Variants in AQR observed in about 807,000 individuals in gnomAD.
AQR encodes RNA helicase aquarius.
AQR carries 61 observed loss-of-function variants against 180.5 expected under a neutral mutation model. The ratio of observed to expected loss-of-function variants is 0.34; its 90% CI spans 0.28 to 0.42. The LOEUF is 0.42. Among genes scored for constraint, AQR ranks in the 10% least tolerant of loss-of-function variants. The pLI is 1.00. For missense variants in AQR, 1,281 were observed against 1,798.3 expected (o/e 0.71, Z 5.20); for synonymous variants, 551 against 588.8 (o/e 0.94, Z 0.93).
At position 34,874,796 on chromosome 15, in the gene AQR, T is replaced by C. The variant is rs368592487; in HGVS notation, c.3306A>G (p.Pro1102=). 1.1e-4 allele frequency: 185 copies of C among 1,613,778 alleles called. No individual in the cohort carries two copies. Among genetic ancestry groups the C allele is most frequent in the Non-Finnish European group, 1.5e-4 (179 of 1,179,848 alleles). The change falls in exon 29 of 35, where the codon CCA becomes CCG. Residue 1102 remains proline (P), a synonymous_variant. Transcript: ENST00000156471. ...IMIGDHHQLP[P]VIKNMAFQKY... ...TTTGAAAGGCCATGTTCTTAATAAC[T>C]GGAGGTAACTGGTGATGATCGCCAA...
chr15:34,955,105 AGAGT>A (rs1316547789), intron 3 of AQR, among the ~76,000 whole-genome samples: 3 of 152,316 alleles, frequency 2.0e-5, no homozygotes, highest in Middle Eastern at 3.4e-3. Flanking sequence ...CCCAGGTGAC[AGAGT>A]GAGTCTCCGT....
chr15:34,894,817 T>C (rs1893206881), intron 22 of AQR, among the ~76,000 whole-genome samples: 1 of 151,894 alleles, frequency 6.6e-6, no homozygotes, highest in African/African-American at 2.4e-5. Flanking sequence ...GTTAAATATA[T>C]TGCAAATCCC....
intron 17 of AQR, among the ~76,000 whole-genome samples, chr15:34,907,989 A>AAGG (rs1308973802): frequency 1.3e-5 from 2 of 152,140 alleles, no homozygotes; most frequent in African/African-American, 4.8e-5. Context: ...ACCCTATCCT[A>AAGG]GCTGTGCTTT....
At chr15:34,939,825 C>T (rs1893996914) in intron 8 of AQR, among the ~76,000 whole-genome samples, 1 of 152,216 alleles carries the variant, frequency 6.6e-6, no homozygotes, top group Admixed American at 6.5e-5. Context: ...CACTTCACAT[C>T]TTATTTAATA....
Position 34,906,550 on chromosome 15 carries a change from T to A in AQR, c.1826A>T (p.Glu609Val). The change falls in exon 18 of 35, where the codon GAA (glutamate) becomes GTA (valine). Residue 609 changes from glutamate to valine, a missense_variant. Physicochemically the swap from Glu to Val is moderately radical, Grantham distance 121 (BLOSUM62 -2). Around this residue, in one of 9 missense-constraint regions of AQR, gnomAD observed 200 missense variants for 293.4 expected, o/e 0.68. Coordinates refer to ENST00000156471, the MANE Select transcript of AQR (RefSeq NM_014691.3). ...AAAAATATAGGTCACCATACCATCTTCAATGACACGTCCTTTATCATCCAG... is the reference window on the plus strand; with the variant it reads ...AAAAATATAGGTCACCATACCATCTACAATGACACGTCCTTTATCATCCAG... Reference protein sequence around the residue: ...GMLDDKGRVIEDGPEPRPNLR... With the variant: ...GMLDDKGRVIVDGPEPRPNLR... 6.2e-7 allele frequency: 1 copy of A among 1,613,920 alleles called. No homozygotes were observed. Among genetic ancestry groups the A allele is most frequent in the Non-Finnish European group, 8.5e-7 (1 of 1,179,868 alleles).
At chr15:34,877,738 CACT>C (rs769030444) in intron 27 of AQR, among the ~76,000 whole-genome samples, 6 of 152,114 alleles carry the variant, frequency 3.9e-5, no homozygotes, top group Non-Finnish European at 8.8e-5. Context: ...GCAAAATTAT[CACT>C]ACTTTAGCTA....
At chr15:34,866,621 G>A (rs1892741191) in intron 32 of AQR, among the ~76,000 whole-genome samples, 1 of 152,062 alleles carries the variant, frequency 6.6e-6, no homozygotes, top group Non-Finnish European at 1.5e-5. Flanking sequence ...CATACTGTAA[G>A]TTTTTGAGAT....
intron 16 of AQR, among the ~76,000 whole-genome samples, chr15:34,911,069 A>G (rs1893492033): frequency 6.6e-6 from 1 of 152,144 alleles, no homozygotes; most frequent in Admixed American, 6.5e-5. Context: ...ATTTAGCATA[A>G]TGTACTCCTG....
intron 27 of AQR, among the ~76,000 whole-genome samples, chr15:34,878,985 G>A (rs1032682577): frequency 5.3e-5 from 8 of 151,046 alleles, no homozygotes; most frequent in Admixed American, 2.0e-4. Context: ...CTGAGATTGC[G>A]CCACTGCACT....
intron 15 of AQR, among the ~76,000 whole-genome samples, chr15:34,917,925 G>A (rs1043661084): frequency 6.6e-6 from 1 of 151,916 alleles, no homozygotes; most frequent in African/African-American, 2.4e-5. Flanking sequence ...TGAGGCTGCA[G>A]TGAGCTGAGA....
At position 34,890,270 on chromosome 15, in the gene AQR, G is replaced by A; in HGVS notation, c.2626C>T (p.Leu876=). 6.2e-7 allele frequency: 1 copy of A among 1,613,574 alleles called. No individual in the cohort carries two copies. Among genetic ancestry groups the A allele is most frequent in the Non-Finnish European group, 8.5e-7 (1 of 1,179,812 alleles). Residue 876 remains leucine (L), a synonymous_variant, in exon 24 of 35, where the codon CTA becomes TTA. Coordinates refer to ENST00000156471, the MANE Select transcript of AQR (RefSeq NM_014691.3). ...IMALDIDERH[L]LRLGHGEEEL... The stretch of plus-strand genomic sequence containing the variant: ...TCTTCTCCATGACCAAGACGCAGTA[G>A]GTGGCGCTCATCAATGTCTAATGCC...
rs1892560246 is a variant in AQR, at chr15:34,854,493, C to G, written c.*2299G>C. On this transcript the variant is annotated 3_prime_UTR_variant, in exon 35 of 35. Transcript: ENST00000156471. ...CCCCCACTCTTCCATAGTTGCCACC[C>G]TGGTTAAGTCTCTCTGATTGTTTCC... 6.6e-6 allele frequency: 1 copy of G among 152,144 alleles called. No individual in the cohort carries two copies. The highest frequency in any genetic ancestry group is 2.1e-4 in the South Asian group (1 of 4,834). 9.4% of individuals were successfully genotyped at this position (152,144 alleles called of 1,614,324 possible). A position where few individuals can be genotyped will look rare whatever the true frequency, so the allele number is the denominator to read the frequency against.
chr15:34,930,938 G>A (rs1296198813), intron 11 of AQR, among the ~76,000 whole-genome samples: 1 of 147,842 alleles, frequency 6.8e-6, no homozygotes, highest in African/African-American at 2.5e-5. Context: ...CCAGGTTCAC[G>A]CCATTCTCCT....
At chr15:34,922,537 C>T (rs1047416452) in intron 13 of AQR, among the ~76,000 whole-genome samples, 1 of 151,788 alleles carries the variant, frequency 6.6e-6, no homozygotes, top group Non-Finnish European at 1.5e-5. Flanking sequence ...CAATATTATC[C>T]GTTTTGGGGT....
chr15:34,925,876 T>A (rs567695356), intron 13 of AQR, among the ~76,000 whole-genome samples: 150 of 146,284 alleles, frequency 1.0e-3, no homozygotes, highest in African/African-American at 3.6e-3. Flanking sequence ...GATTAACTTT[T>A]AAAAAAATAA....
chr15:34,961,775 C>G (rs928267720), intron 2 of AQR, among the ~76,000 whole-genome samples: 2 of 151,910 alleles, frequency 1.3e-5, no homozygotes, highest in African/African-American at 4.8e-5. Flanking sequence ...CCTGACCTCT[C>G]CAAGCCTCAG....
chr15:34,911,515 T>C (rs191450957), intron 16 of AQR, among the ~76,000 whole-genome samples: 1 of 152,332 alleles, frequency 6.6e-6, no homozygotes, highest in African/African-American at 2.4e-5. Context: ...TATCTCATTG[T>C]GGTTTTGGTA....
At chr15:34,925,629 G>A (rs1331988040) in intron 13 of AQR, among the ~76,000 whole-genome samples, 1 of 151,570 alleles carries the variant, frequency 6.6e-6, no homozygotes, top group Non-Finnish European at 1.5e-5. Context: ...CCTGAGGTCA[G>A]GAGTTTGAGA....
At position 34,854,155 on chromosome 15, in the gene AQR, G is replaced by GAAAAA. The variant is rs35327798; in HGVS notation, c.*2632_*2636dup. 1 of 130,788 alleles carries GAAAAA rather than the reference G, an allele frequency of 7.6e-6. No homozygotes were observed. The highest frequency in any genetic ancestry group is 2.9e-5 in the African/African-American group (1 of 34,554). 8.1% of individuals were successfully genotyped at this position (130,788 alleles called of 1,614,324 possible). A position where few individuals can be genotyped will look rare whatever the true frequency, so the allele number is the denominator to read the frequency against. On this transcript the variant is annotated 3_prime_UTR_variant, in exon 35 of 35. Coordinates refer to ENST00000156471, the MANE Select transcript of AQR (RefSeq NM_014691.3). ...ATGAACTTTCTTAACTCAGAATTTT[G>GAAAAA]AAAAAAAAAAAAAAAAAAGAAGAAG...
Sources: gnomAD v4.1 joint callset for allele counts (sites outside exome capture counted in the v4.1 genomes callset) on GRCh38, gnomAD v4.1.1 for gene constraint, gnomAD v4.1.1 regional missense constraint, MANE v1.5 for transcripts, NCBI Gene and HGNC (gene_info 2026-07-23, HGNC 2026-07-21) for gene names.